AMOTL1: variants seen among roughly 807,000 people sequenced by gnomAD.
The protein encoded by AMOTL1 is angiomotin like 1, also known as angiomotin-like protein 1.
A neutral mutation model predicts 102.9 loss-of-function variants in AMOTL1; 45 were observed. That is an observed-to-expected ratio of 0.44 (90% confidence interval 0.34 to 0.56). The LOEUF (loss-of-function observed/expected upper bound fraction) is 0.56, where lower values mean the gene tolerates loss of function less well. AMOTL1 is among the 20% of genes least tolerant of loss of function. The probability of loss-of-function intolerance (pLI) is 0.01; values close to 1 mark genes in which losing one functional copy is unlikely to be tolerated. For missense variants in AMOTL1, 1,114 were observed against 1,225.6 expected (o/e 0.91, Z 1.36); for synonymous variants, 481 against 484.7 (o/e 0.99, Z 0.10).
At chr11:94,796,859 C>CATACATCT in intron 2 of AMOTL1, 1 of 378,090 alleles carries the variant, frequency 2.6e-6, no homozygotes, top group Non-Finnish European at 3.6e-6. Flanking sequence ...CTTCTAATGG[C>CATACATCT]ATATGTCTAT....
At chr11:94,855,356 T>C (rs1398750703) in intron 8 of AMOTL1, among the ~76,000 whole-genome samples, 2 of 152,194 alleles carry the variant, frequency 1.3e-5, no homozygotes, top group African/African-American at 2.4e-5. Flanking sequence ...GGATAGCTCG[T>C]AAGAAAAGGC....
At chr11:94,770,591 C>A (rs974113614) in intron 1 of AMOTL1, among the ~76,000 whole-genome samples, 1 of 152,108 alleles carries the variant, frequency 6.6e-6, no homozygotes, top group African/African-American at 2.4e-5. Flanking sequence ...ACCTGTAACG[C>A]CCCTTTCCCT....
chr11:94,740,699 AC>A (rs992300940), intron 2 of AMOTL1, among the ~76,000 whole-genome samples: 6 of 151,944 alleles, frequency 3.9e-5, no homozygotes, highest in Admixed American at 3.9e-4. Context: ...CGCGCGCCTG[AC>A]CGCGCCTGGA....
chr11:94,715,404 C>A (rs976718838), intron 1 of AMOTL1, among the ~76,000 whole-genome samples: 1 of 152,232 alleles, frequency 6.6e-6, no homozygotes, highest in South Asian at 2.1e-4. Flanking sequence ...TTCCTGGCCT[C>A]AAGTGATCCT....
intron 3 of AMOTL1, among the ~76,000 whole-genome samples, chr11:94,809,184 T>A (rs7104936): frequency 0.27 from 40,536 of 151,930 alleles, 5,975 homozygotes; most frequent in East Asian, 0.47. Context: ...TTGATCAGGC[T>A]GGTCTCGAAC....
rs7128625 is a variant in AMOTL1, at chr11:94,761,797, T to A, written c.136+20809T>A. ...GTGAGAATTTCCCCACTTCTCTGTC[T>A]TTCCTTGGCTTTTAAAAAGGTGTAA... On this transcript the variant is annotated intron_variant, in intron 3 of 4. Transcript: ENST00000299004. Among the ~76,000 whole-genome samples the A allele has an allele frequency of 1.6e-4, 25 of 152,240 alleles. 1 individual carries two copies. Among genetic ancestry groups the A allele is most frequent in the African/African-American group, 5.1e-4 (21 of 41,522 alleles).
chr11:94,851,078 C>T (rs1952527579), intron 7 of AMOTL1, among the ~76,000 whole-genome samples: 1 of 152,166 alleles, frequency 6.6e-6, no homozygotes, highest in South Asian at 2.1e-4. Flanking sequence ...CTTTAAAACC[C>T]CATAAGTCTT....
At chr11:94,846,048 A>G (rs1185017211) in intron 6 of AMOTL1, among the ~76,000 whole-genome samples, 1 of 152,196 alleles carries the variant, frequency 6.6e-6, no homozygotes, top group Non-Finnish European at 1.5e-5. Flanking sequence ...CTCCCTTGTT[A>G]TCTCCCGAAG....
intron 6 of AMOTL1, among the ~76,000 whole-genome samples, chr11:94,836,689 A>C (rs980740193): frequency 2.0e-5 from 3 of 152,130 alleles, no homozygotes; most frequent in Non-Finnish European, 4.4e-5. Context: ...TAAAATTATT[A>C]AACTACTATC....
intron 6 of AMOTL1, among the ~76,000 whole-genome samples, chr11:94,835,327 C>T (rs139422955): frequency 1.3e-5 from 2 of 152,248 alleles, no homozygotes; most frequent in African/African-American, 4.8e-5. Flanking sequence ...TCATTTTTCC[C>T]ATTTGTTTGT....
chr11:94,724,984 T>G lies in AMOTL1; in HGVS notation c.-50-3937T>G, dbSNP rs114234972. Among the ~76,000 whole-genome samples the G allele has an allele frequency of 1.9e-3, 296 of 152,250 alleles. 2 individuals are homozygous for G. The highest frequency in any genetic ancestry group is 6.0e-3 in the African/African-American group (248 of 41,560). On this transcript the variant is annotated intron_variant, in intron 1 of 4. Coordinates refer to the AMOTL1 transcript ENST00000299004. ...TACAGATGGGGCCATATAGAGGCAA[T>G]TAAGGCATAGTCAATGTACGACCAG...
Position 94,799,805 on chromosome 11 carries a change from G to GCAGCAGCAA in AMOTL1, c.624_632dup (p.Gln209_Gln211dup), listed in dbSNP as rs761921444. The GCAGCAGCAA allele has an allele frequency of 2.7e-5, 43 of 1,599,776 alleles. No individual in the cohort carries two copies. The highest frequency in any genetic ancestry group is 3.2e-5 in the Non-Finnish European group (37 of 1,172,378). ...AGTCGCAGTTCTTCAGGGGGCAGCAGCAGCAGCAACAGCAGCAGGGGGCGG... is the reference window on the plus strand; with the variant it reads ...AGTCGCAGTTCTTCAGGGGGCAGCAGCAGCAGCAACAGCAGCAACAGCAGCAGGGGGCGG... On this transcript the variant is annotated inframe_insertion, in exon 3 of 13. Transcript: ENST00000433060. The surrounding 1 kb of genome is among the most constrained non-coding windows in gnomAD (Gnocchi z 4.5).
intron 1 of AMOTL1, among the ~76,000 whole-genome samples, chr11:94,774,850 A>G (rs1951001829): frequency 1.3e-5 from 2 of 152,200 alleles, no homozygotes; most frequent in Admixed American, 1.3e-4. Context: ...TAAGTAATTG[A>G]GTTTGAAACA....
chr11:94,821,418 C>A, intron 3 of AMOTL1, 112 bp from the exon 4 acceptor site: 1 of 1,140,708 alleles, frequency 8.8e-7, no homozygotes, highest in Non-Finnish European at 1.2e-6. Context: ...CTGGGAAGTG[C>A]ACTGATGGCC....
At chr11:94,823,973 C>T (rs1175210041) in intron 4 of AMOTL1, among the ~76,000 whole-genome samples, 1 of 152,046 alleles carries the variant, frequency 6.6e-6, no homozygotes, top group Non-Finnish European at 1.5e-5. Flanking sequence ...CCCACCTCGG[C>T]CTCCCAAAGT....
intron 3 of AMOTL1, among the ~76,000 whole-genome samples, chr11:94,753,302 C>T (rs2135492072): frequency 6.9e-6 from 1 of 144,312 alleles, no homozygotes; most frequent in East Asian, 2.1e-4. Context: ...CTACTGCTTT[C>T]CTGCTTTTTT....
Position 94,834,080 on chromosome 11 carries a change from C to T in AMOTL1, c.1648+2539C>T, listed in dbSNP as rs148655199. On this transcript the variant is annotated intron_variant, in intron 6 of 12. Transcript: ENST00000433060. ...AGGCTTTCATTTTAGCATGTGGGTA[C>T]AGAATGGCAGGCATGAATTACTGCC... 2.6e-3 allele frequency among the ~76,000 whole-genome samples: 399 copies of T among 152,260 alleles called. 1 individual carries two copies. Among genetic ancestry groups the T allele is most frequent in the African/African-American group, 9.4e-3 (389 of 41,556 alleles).
At chr11:94,747,755 GC>G (rs1221623553) in intron 3 of AMOTL1, among the ~76,000 whole-genome samples, 5 of 152,176 alleles carry the variant, frequency 3.3e-5, no homozygotes, top group Non-Finnish European at 7.4e-5. Context: ...AAGGACCCTG[GC>G]TTCTTCCGTT....
At chr11:94,765,355 C>G (rs1039218875), upstream of AMOTL1, among the ~76,000 whole-genome samples, 10 of 152,284 alleles carry the variant, frequency 6.6e-5, no homozygotes, top group Admixed American at 5.2e-4. Context: ...GAATCTCCAG[C>G]CAAGTGTGCT....
Sources: gnomAD v4.1 joint callset for allele counts (sites outside exome capture counted in the v4.1 genomes callset) on GRCh38, gnomAD v4.1.1 for gene constraint, Gnocchi (gnomAD v3.1) non-coding constraint, MANE v1.5 for transcripts, NCBI Gene and HGNC (gene_info 2026-07-23, HGNC 2026-07-21) for gene names.